Variants in SAMD5 observed in about 807,000 individuals in gnomAD.
SAMD5 encodes the protein sterile alpha motif domain-containing protein 5.
SAMD5 carries 13 observed loss-of-function variants against 11.3 expected under a neutral mutation model. That is an observed-to-expected ratio of 1.15 (90% CI 0.75 to 1.83). The LOEUF (loss-of-function observed/expected upper bound fraction) is 1.83, where lower values mean the gene tolerates loss of function less well. SAMD5 is among the 40% of genes most tolerant of loss of function. The pLI, the probability that SAMD5 is intolerant of heterozygous loss-of-function variation, is 0.00. For missense variants in SAMD5, 255 were observed against 239.1 expected (o/e 1.07, Z -0.44); for synonymous variants, 129 against 111.3 (o/e 1.16, Z -1.00).
At chr6:147,629,948 CT>C (rs770484060) in intron 1 of SAMD5, among the ~76,000 whole-genome samples, 28,462 of 123,004 alleles carry the variant, frequency 0.23, 3,061 homozygotes, top group Middle Eastern at 0.36. Context: ...GTTTTCTTTT[CT>C]TTTTTTTTTT....
the SAMD5 span, among the ~76,000 whole-genome samples, chr6:147,885,446 GT>G: frequency 6.6e-6 from 1 of 151,946 alleles, no homozygotes; most frequent in African/African-American, 2.4e-5. Context: ...ATAAGGTTGG[GT>G]CAAGATGGCA....
At chr6:147,811,664 T>C in the SAMD5 span, among the ~76,000 whole-genome samples, 6 of 152,048 alleles carry the variant, frequency 3.9e-5, no homozygotes, top group African/African-American at 9.7e-5. Context: ...GTTATATTGA[T>C]GATGGAATTG....
At chr6:147,775,021 G>A in the SAMD5 span, among the ~76,000 whole-genome samples, 1 of 152,060 alleles carries the variant, frequency 6.6e-6, no homozygotes, top group Non-Finnish European at 1.5e-5. Flanking sequence ...AGGAGGGGGC[G>A]ACCTCCTGGC....
the SAMD5 span, among the ~76,000 whole-genome samples, chr6:147,933,509 G>A: frequency 6.6e-6 from 1 of 152,082 alleles, no homozygotes; most frequent in Non-Finnish European, 1.5e-5. Context: ...ATAGGGAAGT[G>A]GAATTCTACT....
chr6:147,536,447 C>T (rs1788510598), intron 1 of SAMD5, among the ~76,000 whole-genome samples: 1 of 152,198 alleles, frequency 6.6e-6, no homozygotes, highest in South Asian at 2.1e-4. Context: ...TTGCAAATAG[C>T]TTTAAAGAAA....
chr6:147,797,276 A>G, the SAMD5 span, among the ~76,000 whole-genome samples: 1 of 145,512 alleles, frequency 6.9e-6, no homozygotes, highest in Non-Finnish European at 1.5e-5. Context: ...TTTTAGCATG[A>G]AGGGTTGTTG....
chr6:147,758,642 G>A, the SAMD5 span, among the ~76,000 whole-genome samples: 1 of 152,178 alleles, frequency 6.6e-6, no homozygotes, highest in African/African-American at 2.4e-5. Flanking sequence ...CCAGCAAGTG[G>A]AAGAAGGAGA....
chr6:147,934,364 G>T, the SAMD5 span, among the ~76,000 whole-genome samples: 1 of 152,180 alleles, frequency 6.6e-6, no homozygotes, highest in Non-Finnish European at 1.5e-5. Context: ...ACTGTATGTT[G>T]TCACTTTCAT....
chr6:147,641,439 T>TC (rs1562340586), intron 1 of SAMD5, among the ~76,000 whole-genome samples: 7 of 152,256 alleles, frequency 4.6e-5, no homozygotes, highest in African/African-American at 1.7e-4. Context: ...TTGTACCTGG[T>TC]AAAGTGAAGT....
At chr6:147,736,922 A>G (rs537879654) in intron 1 of SAMD5, among the ~76,000 whole-genome samples, 1 of 152,290 alleles carries the variant, frequency 6.6e-6, no homozygotes, top group East Asian at 1.9e-4. Context: ...ATATTTATTC[A>G]TATTAACTAC....
At chr6:147,621,978 G>T (rs1789975372) in intron 1 of SAMD5, among the ~76,000 whole-genome samples, 1 of 152,224 alleles carries the variant, frequency 6.6e-6, no homozygotes, top group Non-Finnish European at 1.5e-5. Context: ...AATGTGAAAA[G>T]GGAGGAGGAA....
chr6:147,610,968 C>T (rs1162799354), intron 1 of SAMD5, among the ~76,000 whole-genome samples: 4 of 150,602 alleles, frequency 2.7e-5, no homozygotes, highest in African/African-American at 9.8e-5. Context: ...CTCCCGAGTT[C>T]AAGCTATTCT....
rs1038276560 is a variant in SAMD5 at position 147,655,676 on chromosome 6, G to A, written c.163-81641G>A. ...CTACTTGATTCTCTAGAATTTCCAC[G>A]TTAAGTAAACAGAGAGGTTGCAAAC... On this transcript the variant is annotated intron_variant, in intron 1 of 1. Coordinates refer to the SAMD5 transcript ENST00000566741. Among the ~76,000 whole-genome samples, 5 of 152,014 alleles carry A rather than the reference G, an allele frequency of 3.3e-5. 1 individual carries two copies. In the South Asian group the frequency reaches 8.3e-4, roughly 25 times the overall value.
At chr6:147,936,393 G>C in the SAMD5 span, among the ~76,000 whole-genome samples, 2 of 151,790 alleles carry the variant, frequency 1.3e-5, no homozygotes, top group African/African-American at 4.8e-5. Context: ...ATGGCAGAAG[G>C]TGAAGGGGGA....
the SAMD5 span, among the ~76,000 whole-genome samples, chr6:147,946,209 T>C: frequency 6.6e-6 from 1 of 152,180 alleles, no homozygotes; most frequent in Non-Finnish European, 1.5e-5. Flanking sequence ...CTAACACCAG[T>C]CAGCACAATT....
At chr6:147,941,287 C>G in the SAMD5 span, among the ~76,000 whole-genome samples, 28 of 152,160 alleles carry the variant, frequency 1.8e-4, no homozygotes, top group African/African-American at 6.5e-4. Context: ...TGTGAATAAA[C>G]AGTGACTCTG....
At chr6:147,894,683 T>G in the SAMD5 span, among the ~76,000 whole-genome samples, 1 of 152,236 alleles carries the variant, frequency 6.6e-6, no homozygotes, top group Non-Finnish European at 1.5e-5. Flanking sequence ...AATATTCATA[T>G]GCACTCATGA....
At chr6:147,848,275 G>C in the SAMD5 span, among the ~76,000 whole-genome samples, 1 of 152,154 alleles carries the variant, frequency 6.6e-6, no homozygotes, top group Admixed American at 6.5e-5. Flanking sequence ...GTCTGGATGA[G>C]CTCTAAAGTT....
intron 1 of SAMD5, among the ~76,000 whole-genome samples, chr6:147,603,923 G>A (rs17077062): frequency 0.021 from 3,147 of 152,198 alleles, 107 homozygotes; most frequent in African/African-American, 0.072. Flanking sequence ...TCTAGCTTTC[G>A]TTGATACTAC....
Sources: gnomAD v4.1 joint callset for allele counts (sites outside exome capture counted in the v4.1 genomes callset) on GRCh38, gnomAD v4.1.1 for gene constraint, MANE v1.5 for transcripts, NCBI Gene and HGNC (gene_info 2026-07-23, HGNC 2026-07-21) for gene names.